The following ZBTB38 variants were observed in gnomAD, a reference collection of about 807,000 sequenced individuals.
ZBTB38 encodes zinc finger and BTB domain-containing protein 38.
A neutral mutation model predicts 76.8 loss-of-function variants in ZBTB38; 20 were observed. That is an observed-to-expected ratio of 0.26 (90% CI 0.18 to 0.38). ZBTB38 has a LOEUF of 0.38. Among genes scored for constraint, ZBTB38 ranks in the 10% least tolerant of loss-of-function variants. The pLI, the probability that ZBTB38 is intolerant of heterozygous loss-of-function variation, is 1.00. For missense variants in ZBTB38, 1,082 were observed against 1,482.3 expected (o/e 0.73, Z 4.43); for synonymous variants, 504 against 544.2 (o/e 0.93, Z 1.03).
chr3:141,353,323 A>G (rs913384527), intron 1 of ZBTB38, among the ~76,000 whole-genome samples: 4 of 151,970 alleles, frequency 2.6e-5, no homozygotes, highest in Non-Finnish European at 5.9e-5. Flanking sequence ...CCTGAGGGTG[A>G]TGCCCCTTTT....
chr3:141,359,155 G>C (rs758675475), intron 1 of ZBTB38, among the ~76,000 whole-genome samples: 9 of 152,176 alleles, frequency 5.9e-5, no homozygotes, highest in Non-Finnish European at 1.2e-4. Context: ...GTGTTGCCAA[G>C]GACCCAGCTC....
intron 1 of ZBTB38, among the ~76,000 whole-genome samples, chr3:141,352,772 CG>C (rs2148937197): frequency 6.6e-6 from 1 of 152,064 alleles, no homozygotes. Flanking sequence ...GGAGTGGCCC[CG>C]CTGAGCTGGG....
At position 141,381,264 on chromosome 3, in the gene ZBTB38, T is replaced by TA. The variant is rs545655967; in HGVS notation, c.-234-159dup. ...GCTAAAGCCGAGGTAGTGATTTCCATAATGGTGGTGACACCTGTTGAGGAT... is the reference window on the plus strand; with the variant it reads ...GCTAAAGCCGAGGTAGTGATTTCCATAAATGGTGGTGACACCTGTTGAGGAT... On this transcript the variant is annotated intron_variant, in intron 2 of 5. Coordinates refer to ENST00000321464, the MANE Select transcript of ZBTB38 (RefSeq NM_001376113.1). 8.0e-4 allele frequency among the ~76,000 whole-genome samples: 122 copies of TA among 152,356 alleles called. 1 individual carries two copies. Among genetic ancestry groups the TA allele is most frequent in the African/African-American group, 2.5e-3 (106 of 41,590 alleles).
chr3:141,443,945 T>C lies in ZBTB38; in HGVS notation c.1557T>C (p.Ile519=). Residue 519 remains isoleucine, a synonymous_variant, in exon 6 of 6, where the codon ATT becomes ATC. Coordinates refer to ENST00000321464, the MANE Select transcript of ZBTB38 (RefSeq NM_001376113.1). The surrounding 1 kb of genome is among the most constrained non-coding windows in gnomAD (Gnocchi z 5.6). ...WHTGERRYQC[I]FCLETFMTYY... is the part of the protein sequence containing the mutation. ...CGGGAGAAAGACGATATCAGTGCATTTTCTGTCTTGAAACTTTCATGACCT... is the reference window on the plus strand; with the variant it reads ...CGGGAGAAAGACGATATCAGTGCATCTTCTGTCTTGAAACTTTCATGACCT... 1 of 1,614,164 alleles carries C rather than the reference T, an allele frequency of 6.2e-7. No homozygotes were observed. The highest frequency in any genetic ancestry group is 8.5e-7 in the Non-Finnish European group (1 of 1,180,022).
At chr3:141,436,778 A>G (rs1479708046) in intron 5 of ZBTB38, among the ~76,000 whole-genome samples, 6 of 152,162 alleles carry the variant, frequency 3.9e-5, no homozygotes, top group Admixed American at 2.6e-4. Context: ...GATTACAGGC[A>G]TGAGCCACCG....
chr3:141,407,300 A>G (rs757369596), intron 5 of ZBTB38, among the ~76,000 whole-genome samples: 2 of 152,184 alleles, frequency 1.3e-5, no homozygotes, highest in Admixed American at 6.5e-5. Flanking sequence ...TAGTTTCACA[A>G]CCTAGCTGGG....
intron 2 of ZBTB38, among the ~76,000 whole-genome samples, chr3:141,379,485 A>C (rs892611878): frequency 1.3e-5 from 2 of 152,270 alleles, no homozygotes; most frequent in Admixed American, 6.5e-5. Context: ...ACTGTGCCTT[A>C]GTTATTAGAG....
chr3:141,352,792 T>A (rs963233378), intron 1 of ZBTB38, among the ~76,000 whole-genome samples: 1 of 151,948 alleles, frequency 6.6e-6, no homozygotes, highest in African/African-American at 2.4e-5. Flanking sequence ...GGCCACTACA[T>A]GCTGCAGCCA....
intron 5 of ZBTB38, among the ~76,000 whole-genome samples, chr3:141,418,413 G>T (rs1559947716): frequency 6.6e-6 from 1 of 152,004 alleles, no homozygotes; most frequent in East Asian, 1.9e-4. Context: ...TCAAGAGCGA[G>T]CCCCCCCTCC....
chr3:141,366,880 T>C (rs1943990792), upstream of ZBTB38: 1 of 152,256 alleles, frequency 6.6e-6, no homozygotes, highest in Non-Finnish European at 1.5e-5. Flanking sequence ...AGCTACCTCG[T>C]AGGTCATTCT....
chr3:141,360,136 C>T (rs1190333825), intron 1 of ZBTB38, among the ~76,000 whole-genome samples: 2 of 152,166 alleles, frequency 1.3e-5, no homozygotes, highest in East Asian at 3.8e-4. Flanking sequence ...AATCCTGAAC[C>T]AAGCTCTCTA....
At chr3:141,415,267 T>C (rs564938322) in intron 5 of ZBTB38, among the ~76,000 whole-genome samples, 9 of 152,314 alleles carry the variant, frequency 5.9e-5, no homozygotes, top group Non-Finnish European at 7.4e-5. Context: ...GTTGGGCTTT[T>C]ATTAGAAATG....
At chr3:141,419,773 G>A (rs2074928011) in intron 5 of ZBTB38, among the ~76,000 whole-genome samples, 1 of 152,166 alleles carries the variant, frequency 6.6e-6, no homozygotes, top group Admixed American at 6.5e-5. Context: ...GATCATCTGA[G>A]GTCGGGAGTT....
At chr3:141,360,569 A>T (rs1264921608) in intron 1 of ZBTB38, among the ~76,000 whole-genome samples, 1 of 152,164 alleles carries the variant, frequency 6.6e-6, no homozygotes, top group Non-Finnish European at 1.5e-5. Flanking sequence ...TGAATCATTA[A>T]CAATTCTAAT....
chr3:141,387,156 T>C (rs2149260015), intron 4 of ZBTB38: 1 of 152,446 alleles, frequency 6.6e-6, no homozygotes, highest in African/African-American at 2.4e-5. Context: ...TGTTTTTGCC[T>C]CATTACAGCC....
chr3:141,424,840 G>A (rs1201462453), intron 5 of ZBTB38, among the ~76,000 whole-genome samples: 1 of 152,168 alleles, frequency 6.6e-6, no homozygotes, highest in East Asian at 1.9e-4. Context: ...TGGGGCCTGG[G>A]GCCAAGGCTT....
At chr3:141,405,537 G>A (rs549454576) in intron 5 of ZBTB38, among the ~76,000 whole-genome samples, 1 of 152,276 alleles carries the variant, frequency 6.6e-6, no homozygotes, top group Non-Finnish European at 1.5e-5. Flanking sequence ...AAGACTGTGG[G>A]TATTCAAAAG....
chr3:141,328,443 A>G (rs1490634315), intron 1 of ZBTB38, among the ~76,000 whole-genome samples: 1 of 152,118 alleles, frequency 6.6e-6, no homozygotes, highest in Non-Finnish European at 1.5e-5. Flanking sequence ...GAATGATGTC[A>G]CCACCCCCTC....
intron 1 of ZBTB38, among the ~76,000 whole-genome samples, chr3:141,346,307 T>C (rs1163615344): frequency 6.6e-6 from 1 of 152,150 alleles, no homozygotes; most frequent in African/African-American, 2.4e-5. Context: ...TAACCTGTTA[T>C]TAGGGGATTT....
Sources: gnomAD v4.1 joint callset for allele counts (sites outside exome capture counted in the v4.1 genomes callset) on GRCh38, gnomAD v4.1.1 for gene constraint, Gnocchi (gnomAD v3.1) non-coding constraint, MANE v1.5 for transcripts, NCBI Gene and HGNC (gene_info 2026-07-23, HGNC 2026-07-21) for gene names.